Variants in HMGA2 observed in about 807,000 individuals in gnomAD.
HMGA2 encodes high mobility group protein HMGI-C.
HMGA2 carries 8 observed loss-of-function variants against 19.1 expected under a neutral mutation model. The ratio of observed to expected loss-of-function variants is 0.42; its 90% CI spans 0.25 to 0.76. The LOEUF (loss-of-function observed/expected upper bound fraction) is 0.76. Among genes scored for constraint, HMGA2 ranks in the 30% least tolerant of loss-of-function variants. The pLI, the probability that HMGA2 is intolerant of heterozygous loss-of-function variation, is 0.28. For missense variants in HMGA2, 109 were observed against 136.3 expected (o/e 0.80, Z 1.00); for synonymous variants, 60 against 48.8 (o/e 1.23, Z -0.96).
Position 65,825,554 on chromosome 12 carries a change from G to A in HMGA2, c.111+173G>A, listed in dbSNP as rs1345727097. ...CCCACGAGTGCGCCGCGCGGCCCCG[G>A]GGCGCCAGCAACCCTCCGGGCGGGG... On this transcript the variant is annotated intron_variant, in intron 1 of 4. Coordinates refer to ENST00000403681, the MANE Select transcript of HMGA2 (RefSeq NM_003483.6). The surrounding 1 kb of genome is among the most constrained non-coding windows in gnomAD (Gnocchi z 4.4). Among the ~76,000 whole-genome samples, 2 of 150,600 alleles carry A rather than the reference G, an allele frequency of 1.3e-5. No homozygotes were observed. Among genetic ancestry groups the A allele is most frequent in the East Asian group, 3.9e-4 (2 of 5,098 alleles).
chr12:65,878,148 A>G (rs761884449), intron 3 of HMGA2, among the ~76,000 whole-genome samples: 6 of 152,196 alleles, frequency 3.9e-5, no homozygotes, highest in Non-Finnish European at 5.9e-5. Flanking sequence ...CCCCACTATG[A>G]ACCCCATTTT....
intron 2 of HMGA2, chr12:65,828,373 G>T (rs1037636352): frequency 8.4e-6 from 2 of 238,848 alleles, no homozygotes; most frequent in African/African-American, 3.1e-5. Context: ...AAGGGGTTGC[G>T]GGGGGGGCGG....
At chr12:65,949,869 A>G (rs1345108855) in intron 3 of HMGA2, among the ~76,000 whole-genome samples, 2 of 152,188 alleles carry the variant, frequency 1.3e-5, no homozygotes, top group African/African-American at 4.8e-5. Flanking sequence ...AGAGATAGCA[A>G]ATTTTTTTTA....
chr12:65,919,584 A>G (rs1875230173), intron 3 of HMGA2, among the ~76,000 whole-genome samples: 1 of 152,264 alleles, frequency 6.6e-6, no homozygotes, highest in South Asian at 2.1e-4. Flanking sequence ...ATTCTTAAAC[A>G]TTTATGTAAA....
chr12:65,940,707 G>T (rs1394319147), intron 3 of HMGA2, among the ~76,000 whole-genome samples: 1 of 152,166 alleles, frequency 6.6e-6, no homozygotes, highest in Non-Finnish European at 1.5e-5. Context: ...AAAAAGATGT[G>T]GAGCTATACA....
At chr12:65,832,831 C>T (rs563529459) in intron 2 of HMGA2, among the ~76,000 whole-genome samples, 41 of 151,944 alleles carry the variant, frequency 2.7e-4, no homozygotes, top group Admixed American at 9.2e-4. Flanking sequence ...ATCATGTTTG[C>T]TCAGAAGGTA....
At chr12:65,876,226 C>T (rs540105218) in intron 3 of HMGA2, among the ~76,000 whole-genome samples, 1 of 144,892 alleles carries the variant, frequency 6.9e-6, no homozygotes, top group Non-Finnish European at 1.5e-5. Flanking sequence ...CCTGTTTTTT[C>T]AAAAAAAAAA....
chr12:65,865,931 C>A (rs969595163), intron 3 of HMGA2, among the ~76,000 whole-genome samples: 1 of 151,962 alleles, frequency 6.6e-6, no homozygotes, highest in Non-Finnish European at 1.5e-5. Flanking sequence ...CATGAGCCAC[C>A]ACGCCTAGCC....
rs758167308 is a variant in HMGA2 at position 65,824,565 on chromosome 12, G to A, written c.-706G>A. ...CGTCCCCCTCCGACTCTCCGGTGCCGCCGCTGCCTGCTCCCGCCACCCTAG... is the reference window on the plus strand; with the variant it reads ...CGTCCCCCTCCGACTCTCCGGTGCCACCGCTGCCTGCTCCCGCCACCCTAG... On this transcript the variant is annotated 5_prime_UTR_variant, in exon 1 of 5. Coordinates refer to ENST00000403681, the MANE Select transcript of HMGA2 (RefSeq NM_003483.6). The A allele has an allele frequency of 2.1e-5, 5 of 233,064 alleles. No homozygotes were observed. The highest frequency in any genetic ancestry group is 3.4e-5 in the Non-Finnish European group (4 of 118,294). The allele number at this position is 233,064 out of a possible 1,614,324, so 14.4% of individuals were successfully genotyped here.
At chr12:65,892,570 T>C (rs1873956603) in intron 3 of HMGA2, among the ~76,000 whole-genome samples, 1 of 152,214 alleles carries the variant, frequency 6.6e-6, no homozygotes, top group Admixed American at 6.5e-5. Context: ...AGGTCTCAGT[T>C]GGATCGCTTT....
At chr12:65,962,662 G>A (rs1395232315) in intron 4 of HMGA2, among the ~76,000 whole-genome samples, 2 of 152,244 alleles carry the variant, frequency 1.3e-5, no homozygotes, top group African/African-American at 2.4e-5. Context: ...GTACCAACCC[G>A]ACCCAAATCC....
At chr12:65,891,144 G>T (rs188796517) in intron 3 of HMGA2, among the ~76,000 whole-genome samples, 1 of 152,078 alleles carries the variant, frequency 6.6e-6, no homozygotes, top group Non-Finnish European at 1.5e-5. Flanking sequence ...AAACTCAGCC[G>T]CTCTGACCCT....
At chr12:65,827,901 T>C (rs1425303913) in intron 1 of HMGA2, 100 bp from the exon 2 acceptor site, 15 of 815,546 alleles carry the variant, frequency 1.8e-5, no homozygotes, top group Non-Finnish European at 2.4e-5. Context: ...TTCCAACAGC[T>C]CTTTTGAGCA....
chr12:65,824,893 G>T lies in HMGA2; in HGVS notation c.-378G>T. On this transcript the variant is annotated 5_prime_UTR_variant, in exon 1 of 5. Coordinates refer to ENST00000403681, the MANE Select transcript of HMGA2 (RefSeq NM_003483.6). ...AGTGCTCCCGGTGCCCGCAACTCCT[G>T]ATCCCAACCCGCGAGAGGAGCCTCT... The T allele has an allele frequency of 3.5e-6, 1 of 282,222 alleles. No homozygotes were observed. Among genetic ancestry groups the T allele is most frequent in the Non-Finnish European group, 6.7e-6 (1 of 149,778 alleles). 17.5% of individuals were successfully genotyped at this position (282,222 alleles called of 1,614,324 possible). A position where few individuals can be genotyped will look rare whatever the true frequency, so the allele number is the denominator to read the frequency against.
chr12:65,959,363 T>C (rs1258531989), intron 4 of HMGA2, among the ~76,000 whole-genome samples: 1 of 152,314 alleles, frequency 6.6e-6, no homozygotes, highest in East Asian at 1.9e-4. Context: ...CCTTTTTTCA[T>C]GAACAAAAGA....
intron 3 of HMGA2, chr12:65,873,761 G>A (rs1872829853): frequency 6.6e-6 from 1 of 152,164 alleles, no homozygotes; most frequent in Non-Finnish European, 1.5e-5. Context: ...AGGGAACTGA[G>A]GATTTGTTTT....
chr12:65,874,791 G>A (rs1303263984), intron 3 of HMGA2, among the ~76,000 whole-genome samples: 1 of 152,196 alleles, frequency 6.6e-6, no homozygotes, highest in Non-Finnish European at 1.5e-5. Context: ...CTTAAAAATA[G>A]TAGAAGAGTT....
At chr12:65,876,793 TGTCCCTA>T (rs1873059831) in intron 3 of HMGA2, 1 of 152,214 alleles carries the variant, frequency 6.6e-6, no homozygotes, top group Non-Finnish European at 1.5e-5. Flanking sequence ...TAGCAACACA[TGTCCCTA>T]AAGCACATTA....
chr12:65,960,159 G>A lies in HMGA2; in HGVS notation c.283-3086G>A, dbSNP rs1486080567. ...CTGCCTAGGCCTCCCAAAGTGCTGG[G>A]ATTACAGGCGTAAGCCACCATACCT... On this transcript the variant is annotated intron_variant, in intron 4 of 4. Coordinates refer to ENST00000403681, the MANE Select transcript of HMGA2 (RefSeq NM_003483.6). Among the ~76,000 whole-genome samples, 3 of 152,190 alleles carry A rather than the reference G, an allele frequency of 2.0e-5. No individual in the cohort carries two copies. The East Asian group carries it at 5.8e-4, about 29-fold the overall frequency.
Sources: allele counts gnomAD v4.1 joint callset (sites outside exome capture counted in the v4.1 genomes callset), GRCh38; gene constraint gnomAD v4.1.1; non-coding constraint Gnocchi (gnomAD v3.1); transcripts MANE v1.5; gene names NCBI Gene and HGNC (gene_info 2026-07-23, HGNC 2026-07-21).